FLNB: variants seen among roughly 807,000 people sequenced by gnomAD.
FLNB encodes the protein filamin-B.
A neutral mutation model predicts 250.6 loss-of-function variants in FLNB; 111 were observed. The observed-to-expected ratio is 0.44, with a 90% CI of 0.38 to 0.52. The LOEUF is 0.52. Ranked by LOEUF, FLNB falls within the 20% of genes least tolerant of loss-of-function variation. The pLI is 0.00. For synonymous variants in FLNB, 1,302 were observed against 1,372.1 expected, an observed-to-expected ratio of 0.95 and a Z score of 1.13; for missense variants, 2,869 against 3,447.8, an observed-to-expected ratio of 0.83 and a Z score of 4.20.
chr3:58,109,081 G>T, intron 13 of FLNB, 98 bp from the exon 14 acceptor site: 3 of 1,447,844 alleles, frequency 2.1e-6, no homozygotes, highest in Non-Finnish European at 2.9e-6. Flanking sequence ...TGTTGTATAA[G>T]CAAGTGGTGA....
chr3:58,047,061 T>C (rs1264274692), intron 1 of FLNB, among the ~76,000 whole-genome samples: 1 of 152,226 alleles, frequency 6.6e-6, no homozygotes, highest in Non-Finnish European at 1.5e-5. Context: ...GGTGTGTTTT[T>C]TCCTGGAAAG....
intron 1 of FLNB, among the ~76,000 whole-genome samples, chr3:58,057,915 C>T (rs1274790870): frequency 1.3e-5 from 2 of 152,066 alleles, no homozygotes; most frequent in African/African-American, 2.4e-5. Flanking sequence ...CTCAGCCTCC[C>T]GAGTAGCTGG....
intron 1 of FLNB, among the ~76,000 whole-genome samples, chr3:58,040,685 G>T (rs1163100067): frequency 6.6e-6 from 1 of 152,126 alleles, no homozygotes; most frequent in African/African-American, 2.4e-5. Flanking sequence ...AGTAGAGACG[G>T]GGTTTCACCA....
In FLNB at chr3:58,132,945, A is replaced by C. The variant is rs2097309892; in HGVS notation, c.4514+14A>C. Reference sequence around the variant, plus strand: ...GATTCCTCGCAGGTAAGCTCCATCCATCTGCCCATCCATTCCTCCATCAGT... The same window carrying C: ...GATTCCTCGCAGGTAAGCTCCATCCCTCTGCCCATCCATTCCTCCATCAGT... On this transcript the variant is annotated intron_variant, in intron 26 of 45. Coordinates refer to ENST00000295956, the MANE Select transcript of FLNB (RefSeq NM_001457.4). 2 of 1,608,374 alleles carry C rather than the reference A, an allele frequency of 1.2e-6. No individual in the cohort carries two copies. The highest frequency in any genetic ancestry group is 2.7e-5 in the African/African-American group (2 of 74,866).
chr3:58,092,459 C>T (rs1227034322), intron 4 of FLNB, among the ~76,000 whole-genome samples: 1 of 152,078 alleles, frequency 6.6e-6, no homozygotes, highest in Non-Finnish European at 1.5e-5. Flanking sequence ...GCCTGGGCAA[C>T]ATAGGGAGAT....
chr3:58,067,614 T>G (rs1270049058), intron 1 of FLNB, among the ~76,000 whole-genome samples: 3 of 129,178 alleles, frequency 2.3e-5, no homozygotes, highest in South Asian at 4.8e-4. Context: ...GTTTTTTTTT[T>G]GGGACAGAAT....
chr3:58,054,154 T>C (rs1328627386), intron 1 of FLNB, among the ~76,000 whole-genome samples: 2 of 152,170 alleles, frequency 1.3e-5, no homozygotes, highest in Non-Finnish European at 2.9e-5. Context: ...TGGGAAGTGT[T>C]GGGAGGATCA....
intron 18 of FLNB, among the ~76,000 whole-genome samples, chr3:58,113,703 A>G (rs2097272926): frequency 6.6e-6 from 1 of 152,078 alleles, no homozygotes; most frequent in African/African-American, 2.4e-5. Flanking sequence ...TTTTAGACAA[A>G]AGTCTTGCTC....
intron 16 of FLNB, among the ~76,000 whole-genome samples, chr3:58,111,087 T>C (rs2097267879): frequency 6.6e-6 from 1 of 152,246 alleles, no homozygotes; most frequent in Non-Finnish European, 1.5e-5. Flanking sequence ...TTGGTTGAAA[T>C]GCAGTTAGCT....
chr3:58,149,078 C>G (rs1481104047), intron 36 of FLNB, among the ~76,000 whole-genome samples: 2 of 152,106 alleles, frequency 1.3e-5, no homozygotes, highest in East Asian at 3.8e-4. Context: ...TTAGAGCCCC[C>G]TCTGCACTAG....
At chr3:58,106,592 AGGGAGGCAGC>A in intron 11 of FLNB, 78 bp from the exon 12 acceptor site, 2 of 1,270,276 alleles carry the variant, frequency 1.6e-6, no homozygotes, top group East Asian at 4.7e-5. Context: ...CTTGGCTTTT[AGGGAGGCAGC>A]GGGAATGAGC....
At chr3:58,020,533 T>C (rs1479747617) in intron 1 of FLNB, among the ~76,000 whole-genome samples, 2 of 152,196 alleles carry the variant, frequency 1.3e-5, no homozygotes, top group Non-Finnish European at 2.9e-5. Context: ...GCTGGCTTGC[T>C]GAAAGGTCTG....
chr3:58,067,570 A>G (rs1246714640), intron 1 of FLNB, among the ~76,000 whole-genome samples: 1 of 121,444 alleles, frequency 8.2e-6, no homozygotes, highest in African/African-American at 3.5e-5. Context: ...TGTAACAAAG[A>G]GGTTTTTTTT....
chr3:58,095,501 C>T (rs1379173174), intron 5 of FLNB, among the ~76,000 whole-genome samples: 2 of 152,182 alleles, frequency 1.3e-5, no homozygotes, highest in Non-Finnish European at 2.9e-5. Context: ...GGTGATCCAC[C>T]TGCCTCTGCC....
chr3:58,170,599 T>C lies in FLNB; in HGVS notation c.7646T>C (p.Val2549Ala). ...KAGSNMLLIG[V>A]HGPTTPCEEV... ...GGCTCCAACATGCTGCTGATCGGGG[T>C]CCATGGGCCCACCACCCCCTGCGAG... Residue 2549 changes from valine to alanine, a missense_variant, in exon 46 of 46, where the codon GTC becomes GCC. By Grantham distance (64) the Val-to-Ala change is moderately conservative (BLOSUM62 0). Coordinates refer to ENST00000295956, the MANE Select transcript of FLNB (RefSeq NM_001457.4). The C allele has an allele frequency of 6.2e-7, 1 of 1,613,934 alleles. No homozygotes were observed. Among genetic ancestry groups the C allele is most frequent in the Non-Finnish European group, 8.5e-7 (1 of 1,179,986 alleles).
chr3:58,097,429 T>C (rs1481527276), intron 6 of FLNB, among the ~76,000 whole-genome samples: 1 of 152,178 alleles, frequency 6.6e-6, no homozygotes, highest in Non-Finnish European at 1.5e-5. Flanking sequence ...TTTCGTCCCT[T>C]GAAAAAACAG....
At chr3:58,039,972 C>G (rs534522669) in intron 1 of FLNB, among the ~76,000 whole-genome samples, 2 of 152,276 alleles carry the variant, frequency 1.3e-5, no homozygotes, top group South Asian at 4.1e-4. Flanking sequence ...TGGTGAAACT[C>G]TGTCTGTACT....
Position 58,169,317 on chromosome 3 carries a change from G to A in FLNB, c.7418-273G>A. On this transcript the variant is annotated intron_variant, in intron 44 of 45. Transcript: ENST00000295956. This position sits in a 1 kb window ranked among gnomAD's most constrained non-coding sequence, Gnocchi z 4.8. ...TGAATTCCACAGGCACATCTTTGGT[G>A]GGTAGGGGGTGGGGGGATTGGGAGG... 1 of 506,486 alleles carries A rather than the reference G, an allele frequency of 2.0e-6. No individual in the cohort carries two copies. Among genetic ancestry groups the A allele is most frequent in the Non-Finnish European group, 3.6e-6 (1 of 278,716 alleles). 31.4% of individuals were successfully genotyped at this position (506,486 alleles called of 1,614,324 possible). A position where few individuals can be genotyped will look rare whatever the true frequency, so the allele number is the denominator to read the frequency against.
chr3:58,071,211 C>A (rs2097193932), intron 1 of FLNB, among the ~76,000 whole-genome samples: 1 of 151,338 alleles, frequency 6.6e-6, no homozygotes, highest in Non-Finnish European at 1.5e-5. Context: ...GTCTCAGCTT[C>A]CCATAGTGCT....
Sources: allele counts gnomAD v4.1 joint callset (sites outside exome capture counted in the v4.1 genomes callset), GRCh38; gene constraint gnomAD v4.1.1; non-coding constraint Gnocchi (gnomAD v3.1); transcripts MANE v1.5; gene names NCBI Gene and HGNC (gene_info 2026-07-23, HGNC 2026-07-21).